Variants in BCR observed in about 807,000 individuals in gnomAD.
BCR encodes the protein BCR activator of RhoGEF and GTPase, also known as breakpoint cluster region protein.
In BCR, 58 loss-of-function variants were observed where a neutral mutation model predicts 138.6. The observed-to-expected ratio is 0.42, with a 90% CI of 0.34 to 0.52. The LOEUF (loss-of-function observed/expected upper bound fraction) is 0.52, where lower values mean the gene tolerates loss of function less well. Ranked by LOEUF, BCR falls within the 20% of genes least tolerant of loss-of-function variation. BCR has a pLI of 0.06. For missense variants in BCR, 1,599 were observed against 1,727.2 expected (o/e 0.93, Z 1.32); for synonymous variants, 786 against 730.1 (o/e 1.08, Z -1.23).
chr22:23,297,204 G>GTTTTTTTTTTTTTT (rs1568979500), intron 16 of BCR, among the ~76,000 whole-genome samples: 9 of 124,184 alleles, frequency 7.2e-5, no homozygotes, highest in African/African-American at 2.5e-4. Context: ...GCCTGGCTAA[G>GTTTTTTTTTTTTTT]TTGTTTTTTG....
chr22:23,248,437 A>AT lies in BCR; in HGVS notation c.1280-5351dup, dbSNP rs954982047. Among the ~76,000 whole-genome samples the AT allele has an allele frequency of 5.7e-3, 845 of 148,366 alleles. 10 individuals carry two copies. Among genetic ancestry groups the AT allele is most frequent in the African/African-American group, 0.019 (763 of 40,594 alleles). ...GTAATTCTGTTTAATTTTTTGAAAG[A>AT]TTTTTTTTTTTGAACCAGTGTAGTC... On this transcript the variant is annotated intron_variant, in intron 1 of 22. Coordinates refer to ENST00000305877, the MANE Select transcript of BCR (RefSeq NM_004327.4).
chr22:23,202,753 A>G (rs201716028), intron 1 of BCR, among the ~76,000 whole-genome samples: 67,245 of 147,102 alleles, frequency 0.46, 17,647 homozygotes, highest in East Asian at 0.89. Flanking sequence ...GTGTGTATAT[A>G]TATATATATT....
chr22:23,200,254 C>G (rs968781262), intron 1 of BCR, among the ~76,000 whole-genome samples: 4 of 152,146 alleles, frequency 2.6e-5, no homozygotes, highest in Admixed American at 6.5e-5. Flanking sequence ...TGGCTTAGGT[C>G]TGGTGGTCTG....
chr22:23,247,408 C>G (rs1249681120), intron 1 of BCR, among the ~76,000 whole-genome samples: 2 of 152,204 alleles, frequency 1.3e-5, no homozygotes, highest in African/African-American at 4.8e-5. Flanking sequence ...CCTCCTCCAC[C>G]CAAATTCCTC....
Position 23,181,892 on chromosome 22 carries a change from G to A in BCR, c.932G>A (p.Trp311Ter). The change falls in exon 1 of 23, where the codon TGG (tryptophan) becomes TAG (stop). Residue 311 changes from tryptophan (W) to a stop codon, truncating the protein, a stop_gained. Coordinates refer to ENST00000305877, the MANE Select transcript of BCR (RefSeq NM_004327.4). LOFTEE classifies it high-confidence loss of function. ...TCTGAGCAGGAGAAGCGCCTTACCT[G>A]GCCCCGCAGGTCCTACTCCCCCCGG... Reference protein sequence around the residue: ...STSEQEKRLTWPRRSYSPRSF... With the variant: ...STSEQEKRLT 1 of 1,613,410 alleles carries A rather than the reference G, an allele frequency of 6.2e-7. No homozygotes were observed. Among genetic ancestry groups the A allele is most frequent in the Non-Finnish European group, 8.5e-7 (1 of 1,179,942 alleles).
At chr22:23,228,011 A>G (rs988916446) in intron 1 of BCR, among the ~76,000 whole-genome samples, 1 of 152,080 alleles carries the variant, frequency 6.6e-6, no homozygotes, top group Non-Finnish European at 1.5e-5. Flanking sequence ...ATGTGCACAG[A>G]GTTGTTCGCA....
chr22:23,221,018 G>A (rs997417343), intron 1 of BCR, among the ~76,000 whole-genome samples: 7 of 152,144 alleles, frequency 4.6e-5, no homozygotes, highest in African/African-American at 1.4e-4. Context: ...TTGGAGAGGT[G>A]ATGGCCTCTT....
intron 1 of BCR, among the ~76,000 whole-genome samples, chr22:23,192,296 C>T (rs757572820): frequency 1.1e-4 from 16 of 152,168 alleles, no homozygotes; most frequent in Admixed American, 7.2e-4. Flanking sequence ...GAGGGGCTGG[C>T]GCTGCCTCTC....
intron 2 of BCR, among the ~76,000 whole-genome samples, chr22:23,257,705 C>T (rs1441314144): frequency 6.6e-6 from 1 of 152,200 alleles, no homozygotes; most frequent in African/African-American, 2.4e-5. Flanking sequence ...TGTCATAGGT[C>T]GCCCCACCCT....
intron 10 of BCR, 111 bp from the exon 11 acceptor site, chr22:23,287,048 G>C (rs1759055210): frequency 6.6e-7 from 1 of 1,523,260 alleles, no homozygotes; most frequent in Admixed American, 2.0e-5. Context: ...GGAGAGATGG[G>C]ATTCTTGCCC....
intron 1 of BCR, among the ~76,000 whole-genome samples, chr22:23,222,353 TTTC>T (rs2146233353): frequency 6.6e-6 from 1 of 152,234 alleles, no homozygotes; most frequent in South Asian, 2.1e-4. Context: ...TCCGGCCGAG[TTTC>T]CAGGCTAAGT....
chr22:23,240,720 T>A (rs146090483), intron 1 of BCR, among the ~76,000 whole-genome samples: 1 of 152,094 alleles, frequency 6.6e-6, no homozygotes, highest in Non-Finnish European at 1.5e-5. Flanking sequence ...CATTTTTAAG[T>A]GTGCGGTTCA....
intron 20 of BCR, among the ~76,000 whole-genome samples, chr22:23,313,472 G>T (rs1281316885): frequency 1.3e-5 from 2 of 152,230 alleles, no homozygotes. Context: ...CTTAGGGCAG[G>T]TCTGCCTCCC....
chr22:23,263,744 G>A (rs191636858), intron 4 of BCR: 1 of 1,431,542 alleles, frequency 7.0e-7, no homozygotes, highest in Non-Finnish European at 9.9e-7. Context: ...TGTGTGGATT[G>A]CAAAGGGGGC....
In BCR at chr22:23,287,164, G is replaced by A. The variant is rs761867612; in HGVS notation, c.2412G>A (p.Ala804=). ...GCTGTGGCATCTCCCCACAGAGGGC[G>A]AACAAGGGCAGCAAGGCTACGGAGA... The part of the protein sequence containing the change: ...IKNDIQREKR[A]NKGSKATERL... The change falls in exon 11 of 23, where the codon GCG becomes GCA. Residue 804 remains alanine (A), a synonymous_variant. Transcript: ENST00000305877. 6 of 1,578,312 alleles carry A rather than the reference G, an allele frequency of 3.8e-6. No homozygotes were observed. Among genetic ancestry groups the A allele is most frequent in the Admixed American group, 1.8e-5 (1 of 54,858 alleles).
At position 23,181,374 on chromosome 22, in the gene BCR, G is replaced by A; in HGVS notation, c.414G>A (p.Ala138=). The A allele has an allele frequency of 3.3e-6, 5 of 1,532,498 alleles. No individual in the cohort carries two copies. Among genetic ancestry groups the A allele is most frequent in the Non-Finnish European group, 4.4e-6 (5 of 1,144,836 alleles). The allele number at this position is 1,532,498 out of a possible 1,614,324, so 94.9% of individuals were successfully genotyped here. A position where few individuals can be genotyped will look rare whatever the true frequency, so the allele number is the denominator to read the frequency against. The change falls in exon 1 of 23, where the codon GCG becomes GCA. Residue 138 remains alanine (A), a synonymous_variant. Coordinates refer to ENST00000305877, the MANE Select transcript of BCR (RefSeq NM_004327.4). The part of the protein sequence containing the change: ...PGTARRPGAA[A]SGERDDRGPP... ...CCGCCCGCAGGCCCGGGGCAGCCGCGTCGGGGGAACGGGACGACCGGGGAC... is the reference window on the plus strand; with the variant it reads ...CCGCCCGCAGGCCCGGGGCAGCCGCATCGGGGGAACGGGACGACCGGGGAC...
chr22:23,278,808 G>A (rs2073608882), intron 8 of BCR, among the ~76,000 whole-genome samples: 3 of 152,222 alleles, frequency 2.0e-5, no homozygotes, highest in African/African-American at 4.8e-5. Flanking sequence ...CTACGGAGAG[G>A]GAGGTGCCCA....
intron 4 of BCR, among the ~76,000 whole-genome samples, chr22:23,267,005 G>T (rs529813868): frequency 3.9e-5 from 6 of 152,102 alleles, no homozygotes; most frequent in African/African-American, 1.4e-4. Context: ...ATTCTCAAAA[G>T]CAGTCTCCTT....
chr22:23,189,567 C>G (rs1274189232), intron 1 of BCR, among the ~76,000 whole-genome samples: 1 of 152,140 alleles, frequency 6.6e-6, no homozygotes, highest in Non-Finnish European at 1.5e-5. Context: ...ATGGCACGAT[C>G]TCGGCTCACT....
Sources: gnomAD v4.1 joint callset for allele counts (sites outside exome capture counted in the v4.1 genomes callset) on GRCh38, gnomAD v4.1.1 for gene constraint, MANE v1.5 for transcripts, NCBI Gene and HGNC (gene_info 2026-07-23, HGNC 2026-07-21) for gene names.